Variants in MYO1E observed in about 807,000 individuals in gnomAD.
MYO1E encodes the protein myosin IE.
Under a neutral mutation model 151.1 loss-of-function variants are expected in MYO1E, and 68 were observed. That is an observed-to-expected ratio of 0.45 (90% CI 0.37 to 0.55). The LOEUF (loss-of-function observed/expected upper bound fraction) is 0.55, where lower values mean the gene tolerates loss of function less well. MYO1E is among the 20% of genes least tolerant of loss of function. The pLI, the probability that MYO1E is intolerant of heterozygous loss-of-function variation, is 0.00. For synonymous variants in MYO1E, 601 were observed against 501.7 expected (o/e 1.20, Z -2.64); for missense variants, 1,363 against 1,389.3 (o/e 0.98, Z 0.30).
At chr15:59,268,991 C>T (rs2080274373) in intron 2 of MYO1E, among the ~76,000 whole-genome samples, 1 of 151,844 alleles carries the variant, frequency 6.6e-6, no homozygotes, top group Admixed American at 6.6e-5. Flanking sequence ...GTAAGTCCAG[C>T]CCACATTCCA....
chr15:59,217,518 C>CTT (rs1334637019), intron 10 of MYO1E, among the ~76,000 whole-genome samples: 3 of 10,708 alleles, frequency 2.8e-4, no homozygotes, highest in East Asian at 4.6e-3. Flanking sequence ...AGTCGTTTTA[C>CTT]CTTTTTTTTT....
intron 1 of MYO1E, among the ~76,000 whole-genome samples, chr15:59,355,437 T>C (rs1333952669): frequency 1.3e-5 from 2 of 152,174 alleles, no homozygotes; most frequent in Admixed American, 6.5e-5. Context: ...CTATTTCTTT[T>C]ACCCTTCTGT....
At chr15:59,192,315 A>G (rs1231591437) in intron 17 of MYO1E, among the ~76,000 whole-genome samples, 1 of 151,876 alleles carries the variant, frequency 6.6e-6, no homozygotes, top group African/African-American at 2.4e-5. Flanking sequence ...AAAAAAAAAG[A>G]AAAGAGAAAA....
intron 26 of MYO1E, among the ~76,000 whole-genome samples, chr15:59,143,962 G>A (rs1279695767): frequency 1.3e-5 from 2 of 152,134 alleles, no homozygotes; most frequent in Admixed American, 1.3e-4. Flanking sequence ...TGGGTCAATT[G>A]TAGCATGACA....
intron 1 of MYO1E, among the ~76,000 whole-genome samples, chr15:59,333,230 C>T (rs1221288626): frequency 6.6e-6 from 1 of 152,010 alleles, no homozygotes; most frequent in Non-Finnish European, 1.5e-5. Context: ...TCACTATCTA[C>T]TTTCTTTCTT....
chr15:59,239,920 C>A (rs4479172), intron 4 of MYO1E, among the ~76,000 whole-genome samples: 146,425 of 152,286 alleles, frequency 0.96, 70,660 homozygotes, highest in East Asian at 1. Context: ...GGGATGAGAA[C>A]ATATTGTTTC....
intron 5 of MYO1E, among the ~76,000 whole-genome samples, chr15:59,235,892 G>A (rs1329135814): frequency 2.0e-5 from 3 of 152,164 alleles, no homozygotes; most frequent in African/African-American, 7.2e-5. Context: ...TTCTAATGCA[G>A]TTTTAATTTG....
intron 1 of MYO1E, among the ~76,000 whole-genome samples, chr15:59,300,160 CT>C (rs368569933): frequency 1.3e-3 from 201 of 152,286 alleles, no homozygotes; most frequent in African/African-American, 4.7e-3. Flanking sequence ...TTTGGGTCCT[CT>C]TGAATCTCTT....
chr15:59,261,514 A>G lies in MYO1E; in HGVS notation c.148-5T>C. On this transcript the variant is annotated splice_region_variant and splice_polypyrimidine_tract_variant and intron_variant, in intron 2 of 27. Coordinates refer to ENST00000288235, the MANE Select transcript of MYO1E (RefSeq NM_004998.4). ...TAATACAGATCCTATATATGTCTGA[A>G]TTTAACTCAGTTAAGGTCCATCATT... 1 of 1,565,518 alleles carries G rather than the reference A, an allele frequency of 6.4e-7. No individual in the cohort carries two copies. Among genetic ancestry groups the G allele is most frequent in the Non-Finnish European group, 8.8e-7 (1 of 1,136,128 alleles).
intron 4 of MYO1E, among the ~76,000 whole-genome samples, chr15:59,245,468 CA>C (rs1263141059): frequency 6.6e-6 from 1 of 152,230 alleles, no homozygotes; most frequent in African/African-American, 2.4e-5. Context: ...GATGTACCTT[CA>C]AAATATCTCT....
chr15:59,358,381 T>C (rs539633266), intron 1 of MYO1E, among the ~76,000 whole-genome samples: 1 of 152,286 alleles, frequency 6.6e-6, no homozygotes, highest in African/African-American at 2.4e-5. Context: ...GCTCTCCTCA[T>C]CCTTTCCAAG....
chr15:59,205,734 C>T (rs1396222399), intron 14 of MYO1E, among the ~76,000 whole-genome samples: 4 of 152,184 alleles, frequency 2.6e-5, no homozygotes, highest in Non-Finnish European at 4.4e-5. Flanking sequence ...TGATGAGTAT[C>T]TGGCTGCCTG....
chr15:59,289,088 G>C (rs1339711460), intron 1 of MYO1E, among the ~76,000 whole-genome samples: 4 of 152,156 alleles, frequency 2.6e-5, no homozygotes, highest in Non-Finnish European at 5.9e-5. Context: ...TGAGGGACCT[G>C]AGGGCCAGAG....
At chr15:59,212,880 A>AG (rs1481841250) in intron 12 of MYO1E, 4 of 152,206 alleles carry the variant, frequency 2.6e-5, no homozygotes, top group Admixed American at 6.5e-5. Context: ...CAGAGACTGG[A>AG]GTCAAACTGC....
intron 1 of MYO1E, among the ~76,000 whole-genome samples, chr15:59,353,515 G>A (rs1293361939): frequency 6.6e-6 from 1 of 152,042 alleles, no homozygotes; most frequent in Non-Finnish European, 1.5e-5. Context: ...TCAGCACTTT[G>A]GGAGGCTGAG....
chr15:59,176,449 C>CTTTTTTTTTTTTTTTTTTTTTTTT (rs68139054), intron 19 of MYO1E, among the ~76,000 whole-genome samples: 1 of 111,982 alleles, frequency 8.9e-6, no homozygotes, highest in African/African-American at 3.3e-5. Context: ...TTTCTTTTTC[C>CTTTTTTTTTTTTTTTTTTTTTTTT]TTTTTTTTTT....
rs1182954984 is a variant in MYO1E, at chr15:59,223,089, C to T, written c.880G>A (p.Gly294Ser). 18 of 1,613,904 alleles carry T rather than the reference C, an allele frequency of 1.1e-5. No homozygotes were observed. The highest frequency in any genetic ancestry group is 1.4e-5 in the Non-Finnish European group (16 of 1,180,016). ...HLGNISFKEVGNYAAVESEEF... is the reference protein window; with the variant it reads ...HLGNISFKEVSNYAAVESEEF... ...TCACTCTCCACAGCCGCGTAGTTGC[C>T]AACTTCTTTGAAGCTGATGTTTCCC... Residue 294 changes from glycine (G) to serine (S), a missense_variant, in exon 9 of 28, where the codon GGC becomes AGC. Gly to Ser is a moderately conservative substitution (Grantham distance 56, BLOSUM62 0). Coordinates refer to ENST00000288235, the MANE Select transcript of MYO1E (RefSeq NM_004998.4).
At chr15:59,316,757 G>A (rs2080591691) in intron 1 of MYO1E, among the ~76,000 whole-genome samples, 1 of 152,150 alleles carries the variant, frequency 6.6e-6, no homozygotes, top group African/African-American at 2.4e-5. Flanking sequence ...AGGTCTACAG[G>A]ATCCGTTAGC....
chr15:59,157,072 A>G lies in MYO1E; in HGVS notation c.2878+1215T>C, dbSNP rs145706559. Among the ~76,000 whole-genome samples the G allele has an allele frequency of 1.6e-4, 25 of 152,022 alleles. No individual in the cohort carries two copies. In the East Asian group the frequency reaches 2.5e-3, roughly 15 times the overall value. On this transcript the variant is annotated intron_variant, in intron 25 of 27. Transcript: ENST00000288235. The stretch of plus-strand genomic sequence containing the variant: ...ACTCCGTGTCTACAAAGAGTAAAAA[A>G]AAAAAGAGCCAGGTGTGGTGGTGCG...
Sources: gnomAD v4.1 joint callset for allele counts (sites outside exome capture counted in the v4.1 genomes callset) on GRCh38, gnomAD v4.1.1 for gene constraint, MANE v1.5 for transcripts, NCBI Gene and HGNC (gene_info 2026-07-23, HGNC 2026-07-21) for gene names.